The following SEMA3D variants were observed in gnomAD, a reference collection of about 807,000 sequenced individuals.
The protein encoded by SEMA3D is semaphorin 3D, also known as semaphorin-3D.
In SEMA3D, 84 loss-of-function variants were observed where a neutral mutation model predicts 100.1. The observed-to-expected ratio is 0.84, with a 90% confidence interval of 0.70 to 1.01. The LOEUF (loss-of-function observed/expected upper bound fraction) is 1.01, where lower values mean the gene tolerates loss of function less well. Among genes scored for constraint, SEMA3D ranks in the 50% least tolerant of loss-of-function variants. The probability of loss-of-function intolerance (pLI) is 0.00; values close to 1 mark genes in which losing one functional copy is unlikely to be tolerated. For synonymous variants in SEMA3D, 312 were observed against 320.7 expected, an observed-to-expected ratio of 0.97 and a Z score of 0.29; for missense variants, 875 against 934.1, an observed-to-expected ratio of 0.94 and a Z score of 0.82.
chr7:85,155,548 T>A (rs1183394007), intron 1 of SEMA3D, among the ~76,000 whole-genome samples: 3 of 152,166 alleles, frequency 2.0e-5, no homozygotes, highest in African/African-American at 7.2e-5. Context: ...ACACAAATCT[T>A]AAATAGTAGA....
rs187697496 is a variant in SEMA3D, at chr7:85,144,388, G to A, written c.-41+9220C>T. On this transcript the variant is annotated intron_variant, in intron 2 of 18. Coordinates refer to ENST00000284136, the MANE Select transcript of SEMA3D (RefSeq NM_001384900.1). ...AATTAAATTAAATAACATAAAAGTT[G>A]AATTTAAAGCTAGCTTTGAAACTAA... The A allele has an allele frequency of 2.6e-5, 21 of 814,540 alleles. No homozygotes were observed. In the African/African-American group the frequency reaches 3.9e-4, roughly 15 times the overall value. 50.5% of individuals were successfully genotyped at this position (814,540 alleles called of 1,614,324 possible).
intron 3 of SEMA3D, among the ~76,000 whole-genome samples, chr7:85,100,700 A>G (rs938650478): frequency 6.6e-6 from 1 of 151,948 alleles, no homozygotes; most frequent in Admixed American, 6.6e-5. Context: ...TATTCCGTCT[A>G]TCAACAATGG....
At chr7:85,073,404 C>T (rs1791831184) in intron 5 of SEMA3D, among the ~76,000 whole-genome samples, 1 of 151,766 alleles carries the variant, frequency 6.6e-6, no homozygotes, top group African/African-American at 2.4e-5. Context: ...ATTAGACGTC[C>T]ATATTTAAAA....
In SEMA3D at chr7:85,068,251, C is replaced by A; in HGVS notation, c.529G>T (p.Glu177Ter). The A allele has an allele frequency of 6.2e-7, 1 of 1,605,828 alleles. No homozygotes were observed. The highest frequency in any genetic ancestry group is 8.5e-7 in the Non-Finnish European group (1 of 1,172,722). Residue 177 changes from glutamate to a stop codon, truncating the protein, a stop_gained, in exon 7 of 19, where the codon GAG (glutamate) becomes TAG (stop). Coordinates refer to ENST00000284136, the MANE Select transcript of SEMA3D (RefSeq NM_001384900.1). LOFTEE classifies it high-confidence loss of function. ...IIFKLDTHNLESGRLKCPFDP... is the reference protein window; with the variant it reads ...IIFKLDTHNL ...AAAGGACATTTCAGTCTGCCAGACTCCAAATTATGTGTGTCTAGTTTGAAT... is the reference window on the plus strand; with the variant it reads ...AAAGGACATTTCAGTCTGCCAGACTACAAATTATGTGTGTCTAGTTTGAAT...
chr7:85,077,376 A>G (rs1791957051), intron 5 of SEMA3D, among the ~76,000 whole-genome samples: 1 of 151,996 alleles, frequency 6.6e-6, no homozygotes, highest in Non-Finnish European at 1.5e-5. Flanking sequence ...AACACAAGGT[A>G]TTATACTGTA....
At position 85,165,532 on chromosome 7, in the gene SEMA3D, G is replaced by A. The variant is rs148635998; in HGVS notation, c.-172-11793C>T. On this transcript the variant is annotated intron_variant, in intron 1 of 18. Coordinates refer to ENST00000284136, the MANE Select transcript of SEMA3D (RefSeq NM_001384900.1). ...ACACTGGATTCTGCCATCACTTGTA[G>A]TAGGGAGTGAATGACACCAGAGGTG... Among the ~76,000 whole-genome samples, 151 of 152,212 alleles carry A rather than the reference G, an allele frequency of 9.9e-4. 1 individual carries two copies. The highest frequency in any genetic ancestry group is 3.5e-3 in the African/African-American group (145 of 41,544).
chr7:85,063,961 G>T (rs1374596414), intron 8 of SEMA3D, among the ~76,000 whole-genome samples: 1 of 152,160 alleles, frequency 6.6e-6, no homozygotes, highest in Admixed American at 6.5e-5. Context: ...GGTCTCAGAA[G>T]TTGTTTATTA....
intron 1 of SEMA3D, among the ~76,000 whole-genome samples, chr7:85,183,195 C>T (rs1791448149): frequency 6.6e-6 from 1 of 152,146 alleles, no homozygotes; most frequent in Non-Finnish European, 1.5e-5. Context: ...TAAACAGACA[C>T]TGAGACACAG....
chr7:85,158,084 G>A (rs1032775229), intron 1 of SEMA3D, among the ~76,000 whole-genome samples: 10 of 152,060 alleles, frequency 6.6e-5, no homozygotes, highest in African/African-American at 2.4e-4. Context: ...AGGACCGTGT[G>A]ATTATTGCGT....
chr7:85,128,588 T>C (rs1241576352), intron 2 of SEMA3D, among the ~76,000 whole-genome samples: 2 of 152,096 alleles, frequency 1.3e-5, no homozygotes, highest in African/African-American at 4.8e-5. Context: ...AAAATTTTAA[T>C]TTATTCCTTT....
intron 3 of SEMA3D, among the ~76,000 whole-genome samples, chr7:85,120,397 T>C (rs527488502): frequency 5.7e-4 from 87 of 151,928 alleles, no homozygotes; most frequent in African/African-American, 2.1e-3. Flanking sequence ...GCCAGGCGAG[T>C]TGGCTCACTC....
intron 9 of SEMA3D, among the ~76,000 whole-genome samples, chr7:85,045,615 C>T (rs751106195): frequency 5.3e-5 from 8 of 151,754 alleles, no homozygotes; most frequent in Admixed American, 1.3e-4. Flanking sequence ...GTTTTTAATG[C>T]CAATATCCTC....
chr7:85,012,916 A>G, intron 16 of SEMA3D, 70 bp from the exon 17 acceptor site: 1 of 1,196,148 alleles, frequency 8.4e-7, no homozygotes, highest in Middle Eastern at 1.9e-4. Flanking sequence ...GCTACATCTA[A>G]TACTAATAAC....
intron 5 of SEMA3D, among the ~76,000 whole-genome samples, chr7:85,073,970 A>C (rs1049841048): frequency 6.6e-6 from 1 of 152,234 alleles, no homozygotes; most frequent in African/African-American, 2.4e-5. Flanking sequence ...AGCAGTAAAT[A>C]GTGGCTCTCT....
chr7:85,062,345 T>C (rs914099530), intron 8 of SEMA3D, among the ~76,000 whole-genome samples: 12 of 151,980 alleles, frequency 7.9e-5, no homozygotes, highest in Admixed American at 6.6e-5. Flanking sequence ...TAGTAAACAA[T>C]AAAATGGTGG....
intron 3 of SEMA3D, among the ~76,000 whole-genome samples, chr7:85,120,990 G>T (rs11977652): frequency 6.6e-6 from 1 of 151,860 alleles, no homozygotes; most frequent in Non-Finnish European, 1.5e-5. Context: ...TATAAAATGT[G>T]ATCTTAAAGA....
intron 8 of SEMA3D, among the ~76,000 whole-genome samples, chr7:85,062,510 T>A (rs1386861139): frequency 6.6e-6 from 1 of 152,106 alleles, no homozygotes; most frequent in East Asian, 1.9e-4. Flanking sequence ...AACTCCAAGG[T>A]AACTGGGTGG....
At chr7:85,163,142 A>G (rs542281642) in intron 1 of SEMA3D, 33 of 195,790 alleles carry the variant, frequency 1.7e-4, no homozygotes, top group African/African-American at 4.2e-4. Flanking sequence ...TGGCCTCTCC[A>G]TGAAAGTGAG....
the SEMA3D span, among the ~76,000 whole-genome samples, chr7:85,225,081 TATATATATATATATATATATATATAC>T: frequency 6.3e-5 from 1 of 15,784 alleles, no homozygotes; most frequent in African/African-American, 3.8e-4. Flanking sequence ...TATATATATA[TATATATATATATATATATATATATAC>T]ATACATATAT....
Sources: gnomAD v4.1 joint callset for allele counts (sites outside exome capture counted in the v4.1 genomes callset) on GRCh38, gnomAD v4.1.1 for gene constraint, MANE v1.5 for transcripts, NCBI Gene and HGNC (gene_info 2026-07-23, HGNC 2026-07-21) for gene names.